Variants in RB1 observed in about 807,000 individuals in gnomAD.
The protein encoded by RB1 is RB transcriptional corepressor 1.
In RB1, 18 loss-of-function variants were observed where a neutral mutation model predicts 135.4. That is an observed-to-expected ratio of 0.13 (90% CI 0.09 to 0.20). The LOEUF is 0.20. RB1 is among the 10% of genes least tolerant of loss of function. The pLI, the probability that RB1 is intolerant of heterozygous loss-of-function variation, is 1.00. For missense variants in RB1, 868 were observed against 1,110.0 expected, an observed-to-expected ratio of 0.78 and a Z score of 3.10; for synonymous variants, 365 against 373.2, an observed-to-expected ratio of 0.98 and a Z score of 0.25.
rs374769061 is a variant in RB1 at position 48,431,228 on chromosome 13, T to G, written c.1696-21765T>G. 5.9e-5 allele frequency among the ~76,000 whole-genome samples: 9 copies of G among 152,286 alleles called. No individual in the cohort carries two copies. In the East Asian group the frequency reaches 1.7e-3, roughly 29 times the overall value. On this transcript the variant is annotated intron_variant, in intron 17 of 26. Transcript: ENST00000267163. ...CCTTAACTTAAAAGTGGTTCTCAGT[T>G]TTAGGTACCCAAATTTAATATTTGT...
At chr13:48,418,351 A>G (rs911256086) in intron 17 of RB1, among the ~76,000 whole-genome samples, 27 of 152,214 alleles carry the variant, frequency 1.8e-4, no homozygotes, top group African/African-American at 6.5e-4. Flanking sequence ...TGTCACCACC[A>G]GGCCTGCATT....
chr13:48,319,128 T>C lies in RB1; in HGVS notation c.264+11722T>C. 1 of 608,046 alleles carries C rather than the reference T, an allele frequency of 1.6e-6. No individual in the cohort carries two copies. The highest frequency in any genetic ancestry group is 3.0e-6 in the Non-Finnish European group (1 of 331,278). The allele number at this position is 608,046 out of a possible 1,614,324, so 37.7% of individuals were successfully genotyped here. On this transcript the variant is annotated intron_variant, in intron 2 of 26. Coordinates refer to ENST00000267163, the MANE Select transcript of RB1 (RefSeq NM_000321.3). This position sits in a 1 kb window ranked among gnomAD's most constrained non-coding sequence, Gnocchi z 5.0. ...GCCGGGCTCGCTGGAGGCGGAGCTT[T>C]GGTTTCCTTCGGGAGCTTGTGGGGA...
intron 17 of RB1, among the ~76,000 whole-genome samples, chr13:48,444,113 C>T (rs1357148864): frequency 6.6e-6 from 1 of 152,184 alleles, no homozygotes; most frequent in African/African-American, 2.4e-5. Flanking sequence ...GCCCATACCT[C>T]ATACCCCCAG....
intron 18 of RB1, among the ~76,000 whole-genome samples, chr13:48,454,149 A>G (rs902433893): frequency 6.6e-6 from 1 of 152,260 alleles, no homozygotes; most frequent in Non-Finnish European, 1.5e-5. Flanking sequence ...AATAGGAATT[A>G]GAGAAATAAG....
At chr13:48,326,546 C>CATT (rs1952289151) in intron 2 of RB1, among the ~76,000 whole-genome samples, 2 of 152,050 alleles carry the variant, frequency 1.3e-5, no homozygotes, top group Non-Finnish European at 2.9e-5. Flanking sequence ...AGTTTGCCTA[C>CATT]ATTAAAGTGA....
At position 48,365,073 on chromosome 13, in the gene RB1, T is replaced by G. The variant is rs532289973; in HGVS notation, c.939+102T>G. 9.5e-5 allele frequency: 131 copies of G among 1,380,918 alleles called. 3 individuals are homozygous for G. In the South Asian group the frequency reaches 1.9e-3, roughly 20 times the overall value. The allele number at this position is 1,380,918 out of a possible 1,614,324, so 85.5% of individuals were successfully genotyped here. ...ATCAATTTACTGTGTATCACATTTT[T>G]TTTTTGCCCAAGAAGAATCTAGCCA... On this transcript the variant is annotated intron_variant, in intron 9 of 26. Coordinates refer to ENST00000267163, the MANE Select transcript of RB1 (RefSeq NM_000321.3).
intron 1 of RB1, among the ~76,000 whole-genome samples, chr13:48,305,315 G>A (rs1952071894): frequency 6.6e-6 from 1 of 152,090 alleles, no homozygotes; most frequent in Non-Finnish European, 1.5e-5. Flanking sequence ...ATATTTAAAT[G>A]GACTGTCTTA....
chr13:48,447,138 G>A (rs1365425333), intron 17 of RB1, among the ~76,000 whole-genome samples: 1 of 152,184 alleles, frequency 6.6e-6, no homozygotes, highest in Non-Finnish European at 1.5e-5. Flanking sequence ...AAGTATGAGA[G>A]AAAGAATAAT....
At chr13:48,423,690 GA>G (rs1949040664) in intron 17 of RB1, among the ~76,000 whole-genome samples, 1 of 151,992 alleles carries the variant, frequency 6.6e-6, no homozygotes, top group African/African-American at 2.4e-5. Context: ...AAAGAAAAAA[GA>G]AAAAAATCAA....
At position 48,361,916 on chromosome 13, in the gene RB1, A is replaced by C. The variant is rs1334591913; in HGVS notation, c.719-899A>C. Among the ~76,000 whole-genome samples, 4 of 147,260 alleles carry C rather than the reference A, an allele frequency of 2.7e-5. No individual in the cohort carries two copies. The East Asian group carries it at 7.8e-4, about 29-fold the overall frequency. On this transcript the variant is annotated intron_variant, in intron 7 of 26. Coordinates refer to ENST00000267163, the MANE Select transcript of RB1 (RefSeq NM_000321.3). ...TGTTGATTGGATCTAGAGGCAATACATACTTTTTATACTTAATCATCTGTA... is the reference window on the plus strand; with the variant it reads ...TGTTGATTGGATCTAGAGGCAATACCTACTTTTTATACTTAATCATCTGTA...
intron 17 of RB1, among the ~76,000 whole-genome samples, chr13:48,405,889 C>G (rs1840344998): frequency 6.6e-6 from 1 of 152,062 alleles, no homozygotes; most frequent in African/African-American, 2.4e-5. Flanking sequence ...AGGTGGCATA[C>G]TATGTGTGCT....
intron 21 of RB1, among the ~76,000 whole-genome samples, chr13:48,464,238 C>T (rs987616040): frequency 3.3e-5 from 5 of 152,020 alleles, no homozygotes; most frequent in South Asian, 2.1e-4. Context: ...TTTGTGTTTC[C>T]GGTTTACCTT....
intron 17 of RB1, among the ~76,000 whole-genome samples, chr13:48,383,294 C>T (rs1405593271): frequency 6.6e-6 from 1 of 151,954 alleles, no homozygotes; most frequent in Non-Finnish European, 1.5e-5. Context: ...CTAGGATTCT[C>T]TTTATAGCAT....
Position 48,460,210 on chromosome 13 carries a change from C to T in RB1, c.2106+377C>T, listed in dbSNP as rs373695429. 5.3e-5 allele frequency among the ~76,000 whole-genome samples: 8 copies of T among 151,902 alleles called. No individual in the cohort carries two copies. The East Asian group carries it at 1.2e-3, about 22-fold the overall frequency. ...TCTCAAACTCCTGACCTCAGGTGAT[C>T]CGTCTACCTAAGGCCTCCCAAAGTG... On this transcript the variant is annotated intron_variant, in intron 20 of 26. Coordinates refer to ENST00000267163, the MANE Select transcript of RB1 (RefSeq NM_000321.3).
intron 17 of RB1, chr13:48,424,007 A>G (rs901721418): frequency 6.5e-6 from 1 of 152,696 alleles, no homozygotes; most frequent in South Asian, 2.1e-4. Flanking sequence ...GTCATTTTGC[A>G]TGCAGCAAAT....
intron 17 of RB1, among the ~76,000 whole-genome samples, chr13:48,388,447 A>C (rs1032630715): frequency 4.6e-5 from 7 of 152,224 alleles, no homozygotes; most frequent in African/African-American, 1.4e-4. Context: ...TGGACCATAA[A>C]AAATGCCACC....
chr13:48,381,511 G>A (rs1948536221), intron 17 of RB1, 68 bp downstream of exon 17: 12 of 1,450,788 alleles, frequency 8.3e-6, no homozygotes, highest in Non-Finnish European at 9.6e-6. Flanking sequence ...GTTAGTGAGA[G>A]GTGTTTCTTA....
At chr13:48,317,001 T>C in intron 2 of RB1, 1 of 508,498 alleles carries the variant, frequency 2.0e-6, no homozygotes, top group Non-Finnish European at 3.4e-6. Context: ...ATACCTCAGG[T>C]CTAAAATGCT....
chr13:48,417,544 G>T (rs951734105), intron 17 of RB1, among the ~76,000 whole-genome samples: 1 of 152,020 alleles, frequency 6.6e-6, no homozygotes, highest in South Asian at 2.1e-4. Context: ...ACAACTCCTC[G>T]CCAGCAAGGG....
Sources: gnomAD v4.1 joint callset for allele counts (sites outside exome capture counted in the v4.1 genomes callset) on GRCh38, gnomAD v4.1.1 for gene constraint, Gnocchi (gnomAD v3.1) non-coding constraint, MANE v1.5 for transcripts, NCBI Gene and HGNC (gene_info 2026-07-23, HGNC 2026-07-21) for gene names.